ACOXL: variants seen among roughly 807,000 people sequenced by gnomAD.
ACOXL encodes acyl-CoA oxidase like.
A neutral mutation model predicts 71.9 loss-of-function variants in ACOXL; 70 were observed. The ratio of observed to expected loss-of-function variants is 0.97; its 90% CI spans 0.80 to 1.19. The LOEUF (loss-of-function observed/expected upper bound fraction) is 1.19, where lower values mean the gene tolerates loss of function less well. ACOXL is among the 50% of genes most tolerant of loss of function. The probability of loss-of-function intolerance (pLI) is 0.00; values close to 1 mark genes in which losing one functional copy is unlikely to be tolerated. For missense variants in ACOXL, 703 were observed against 736.3 expected, an observed-to-expected ratio of 0.95 and a Z score of 0.52; for synonymous variants, 253 against 281.6, an observed-to-expected ratio of 0.90 and a Z score of 1.02.
chr2:110,743,034 C>T (rs910742330), intron 1 of ACOXL, among the ~76,000 whole-genome samples: 2 of 152,214 alleles, frequency 1.3e-5, no homozygotes, highest in African/African-American at 4.8e-5. Context: ...CAGAAAAACA[C>T]ACTGTACCTA....
intron 16 of ACOXL, among the ~76,000 whole-genome samples, chr2:111,078,744 C>G (rs2067737930): frequency 6.6e-6 from 1 of 152,198 alleles, no homozygotes; most frequent in Non-Finnish European, 1.5e-5. Context: ...AGCTACATTT[C>G]TCTTCTCCTT....
At chr2:111,005,647 C>A (rs775390465) in intron 14 of ACOXL, among the ~76,000 whole-genome samples, 1 of 152,222 alleles carries the variant, frequency 6.6e-6, no homozygotes, top group Non-Finnish European at 1.5e-5. Context: ...AGTGTCTTTG[C>A]TCAGGTCACC....
chr2:110,854,320 G>GGT (rs1559348267), intron 10 of ACOXL, among the ~76,000 whole-genome samples: 4 of 152,120 alleles, frequency 2.6e-5, no homozygotes, highest in African/African-American at 9.7e-5. Context: ...CTTTGTGATC[G>GGT]TCCAGGCAGA....
rs535536643 is a variant in ACOXL at position 110,934,402 on chromosome 2, C to G, written c.1059+760C>G. 5.9e-5 allele frequency among the ~76,000 whole-genome samples: 9 copies of G among 152,276 alleles called. No individual in the cohort carries two copies. In the South Asian group the frequency reaches 1.5e-3, roughly 25 times the overall value. On this transcript the variant is annotated intron_variant, in intron 12 of 17. Coordinates refer to ENST00000439055, the MANE Select transcript of ACOXL (RefSeq NM_001142807.4). ...GCAGCTACTGGAACTCCAGACCACACCCCCAGAGGAGAATGGAAGGAGGGA... is the reference window on the plus strand; with the variant it reads ...GCAGCTACTGGAACTCCAGACCACAGCCCCAGAGGAGAATGGAAGGAGGGA...
In ACOXL at chr2:110,748,388, C is replaced by T. The variant is rs370349126; in HGVS notation, c.-23+15614C>T. Among the ~76,000 whole-genome samples the T allele has an allele frequency of 2.0e-5, 3 of 152,288 alleles. No homozygotes were observed. In the South Asian group the frequency reaches 6.2e-4, roughly 32 times the overall value. ...ATTGGAAGTGCCTATCAGGCTTTAT[C>T]TCTGGTGCAGGGGATCTTTTCTTCC... On this transcript the variant is annotated intron_variant, in intron 1 of 17. Transcript: ENST00000439055.
chr2:111,003,544 C>A, intron 14 of ACOXL, among the ~76,000 whole-genome samples: 2 of 20,276 alleles, frequency 9.9e-5, no homozygotes, highest in African/African-American at 2.0e-4. Flanking sequence ...GGGCGAGACT[C>A]TGTCTCAAAA....
chr2:110,908,183 A>C (rs915653971), intron 10 of ACOXL, among the ~76,000 whole-genome samples: 4 of 152,220 alleles, frequency 2.6e-5, no homozygotes, highest in African/African-American at 9.6e-5. Flanking sequence ...CCACTTTAAA[A>C]ATTGTTCCAA....
At chr2:110,965,312 T>C (rs1042103629) in intron 12 of ACOXL, among the ~76,000 whole-genome samples, 1 of 152,200 alleles carries the variant, frequency 6.6e-6, no homozygotes, top group Admixed American at 6.5e-5. Flanking sequence ...CCTTGATATA[T>C]TGATTTATTT....
chr2:111,035,655 T>C (rs1482258500), intron 15 of ACOXL, among the ~76,000 whole-genome samples: 6 of 152,262 alleles, frequency 3.9e-5, no homozygotes, highest in Non-Finnish European at 8.8e-5. Context: ...GAGCAGGTTG[T>C]AATTATAATT....
intron 16 of ACOXL, among the ~76,000 whole-genome samples, chr2:111,085,690 A>G (rs1048901627): frequency 6.6e-6 from 1 of 152,170 alleles, no homozygotes; most frequent in East Asian, 1.9e-4. Flanking sequence ...AGAGCAAACC[A>G]ACCCCTAAGC....
chr2:111,056,498 A>G (rs539901091), intron 16 of ACOXL, among the ~76,000 whole-genome samples: 1 of 152,108 alleles, frequency 6.6e-6, no homozygotes, highest in Admixed American at 6.5e-5. Context: ...AAAAATATAT[A>G]TATATTTAGG....
intron 12 of ACOXL, among the ~76,000 whole-genome samples, chr2:110,957,133 G>A (rs963706609): frequency 8.0e-5 from 12 of 149,532 alleles, no homozygotes; most frequent in African/African-American, 2.7e-4. Flanking sequence ...TTTTTTTTTC[G>A]GATGAATCTG....
At chr2:110,752,306 C>T (rs535447186) in intron 1 of ACOXL, among the ~76,000 whole-genome samples, 1 of 152,124 alleles carries the variant, frequency 6.6e-6, no homozygotes, top group Non-Finnish European at 1.5e-5. Flanking sequence ...CCGCACCTGG[C>T]CTATTTCTTT....
intron 12 of ACOXL, among the ~76,000 whole-genome samples, chr2:110,971,583 C>T (rs113468436): frequency 2.8e-4 from 42 of 152,204 alleles, no homozygotes; most frequent in African/African-American, 8.4e-4. Context: ...ATGTTGTAAA[C>T]GGTCTTGATG....
intron 16 of ACOXL, among the ~76,000 whole-genome samples, chr2:111,054,960 C>T (rs2149852924): frequency 6.6e-6 from 1 of 152,270 alleles, no homozygotes; most frequent in African/African-American, 2.4e-5. Flanking sequence ...ATGACTGCTC[C>T]ACTGCTTCAC....
intron 8 of ACOXL, among the ~76,000 whole-genome samples, chr2:110,802,940 T>G (rs1686177034): frequency 6.6e-6 from 1 of 152,210 alleles, no homozygotes; most frequent in Admixed American, 6.5e-5. Flanking sequence ...TTACCCTGAT[T>G]TTATTATTAT....
intron 1 of ACOXL, among the ~76,000 whole-genome samples, chr2:110,765,819 G>C: frequency 6.6e-6 from 1 of 152,234 alleles, no homozygotes; most frequent in African/African-American, 2.4e-5. Context: ...AATCACCTTG[G>C]TGATTAGGAT....
chr2:110,839,205 G>T (rs1204709577), intron 9 of ACOXL, among the ~76,000 whole-genome samples: 1 of 150,176 alleles, frequency 6.7e-6, no homozygotes, highest in Non-Finnish European at 1.5e-5. Flanking sequence ...TCTTTCAACT[G>T]TGGAAAAGCC....
intron 3 of ACOXL, among the ~76,000 whole-genome samples, chr2:110,790,226 G>C (rs770910603): frequency 9.9e-5 from 15 of 152,198 alleles, no homozygotes; most frequent in Non-Finnish European, 2.1e-4. Flanking sequence ...CCAGGTAGTG[G>C]CTCCGTTGGT....
Sources: allele counts gnomAD v4.1 joint callset (sites outside exome capture counted in the v4.1 genomes callset), GRCh38; gene constraint gnomAD v4.1.1; transcripts MANE v1.5; gene names NCBI Gene and HGNC (gene_info 2026-07-23, HGNC 2026-07-21).